Variants in MARCHF1 observed in about 807,000 individuals in gnomAD.
The protein encoded by MARCHF1 is membrane associated ring-CH-type finger 1.
A neutral mutation model predicts 54.2 loss-of-function variants in MARCHF1; 40 were observed. That is an observed-to-expected ratio of 0.74 (90% CI 0.57 to 0.96). The LOEUF (loss-of-function observed/expected upper bound fraction) is 0.96, where lower values mean the gene tolerates loss of function less well. MARCHF1 is among the 40% of genes least tolerant of loss of function. The pLI is 0.00. For missense variants in MARCHF1, 586 were observed against 656.5 expected, an observed-to-expected ratio of 0.89 and a Z score of 1.17; for synonymous variants, 236 against 236.3, an observed-to-expected ratio of 1.00 and a Z score of 0.01.
chr4:164,238,061 A>G (rs1732617032), intron 1 of MARCHF1, among the ~76,000 whole-genome samples: 1 of 152,240 alleles, frequency 6.6e-6, no homozygotes, highest in East Asian at 1.9e-4. Flanking sequence ...GAAAACCACT[A>G]AAAGGAAATA....
chr4:163,961,256 C>T (rs1752341430), intron 3 of MARCHF1, among the ~76,000 whole-genome samples: 1 of 151,930 alleles, frequency 6.6e-6, no homozygotes, highest in African/African-American at 2.4e-5. Context: ...TGTCAATAAC[C>T]ATTACTCAAT....
chr4:163,733,219 AT>A, intron 4 of MARCHF1, among the ~76,000 whole-genome samples: 1 of 29,820 alleles, frequency 3.4e-5, no homozygotes, highest in African/African-American at 7.0e-5. Flanking sequence ...ATATATATAT[AT>A]ACACGTGTAT....
chr4:163,729,102 G>T (rs1745753154), intron 4 of MARCHF1, among the ~76,000 whole-genome samples: 1 of 152,034 alleles, frequency 6.6e-6, no homozygotes. Context: ...AATCAGCCTT[G>T]CAGACCTGAG....
chr4:163,712,262 C>T (rs944943075), intron 4 of MARCHF1, among the ~76,000 whole-genome samples: 1 of 152,094 alleles, frequency 6.6e-6, no homozygotes, highest in Non-Finnish European at 1.5e-5. Flanking sequence ...TTACTAAATT[C>T]TGGAATTGGA....
chr4:164,182,227 C>T (rs905337319), intron 1 of MARCHF1, among the ~76,000 whole-genome samples: 10 of 151,860 alleles, frequency 6.6e-5, no homozygotes, highest in Admixed American at 5.2e-4. Context: ...TAATCGGAGC[C>T]TGACATAGGT....
At chr4:163,547,000 T>G (rs937162487) in intron 8 of MARCHF1, among the ~76,000 whole-genome samples, 4 of 152,244 alleles carry the variant, frequency 2.6e-5, no homozygotes, top group Admixed American at 2.0e-4. Context: ...GCCAAGCTTT[T>G]AATAATCTAG....
chr4:164,380,385 C>T (rs1469091785), intron 1 of MARCHF1, among the ~76,000 whole-genome samples: 3 of 152,184 alleles, frequency 2.0e-5, no homozygotes, highest in Non-Finnish European at 4.4e-5. Context: ...CACTGTCCCC[C>T]ATGAGAAAGG....
intron 3 of MARCHF1, among the ~76,000 whole-genome samples, chr4:163,885,441 G>A (rs951572179): frequency 1.3e-5 from 2 of 151,948 alleles, no homozygotes; most frequent in Non-Finnish European, 2.9e-5. Context: ...TAGGAAAAAG[G>A]AATAACAAGA....
chr4:163,926,412 A>G (rs1036912075), intron 3 of MARCHF1, among the ~76,000 whole-genome samples: 8 of 151,566 alleles, frequency 5.3e-5, no homozygotes, highest in African/African-American at 1.4e-4. Context: ...ATTTTTTTTC[A>G]GTAACAGAAC....
chr4:164,167,756 A>G (rs1730418977), intron 1 of MARCHF1, among the ~76,000 whole-genome samples: 1 of 151,924 alleles, frequency 6.6e-6, no homozygotes, highest in Non-Finnish European at 1.5e-5. Context: ...CTTAGCTTAT[A>G]CCACACAAAA....
At chr4:163,799,494 T>C (rs1215351293) in intron 4 of MARCHF1, among the ~76,000 whole-genome samples, 2 of 152,120 alleles carry the variant, frequency 1.3e-5, no homozygotes, top group Non-Finnish European at 2.9e-5. Flanking sequence ...ATCAGGCAAG[T>C]GTGAACTAGC....
At chr4:163,846,008 C>T (rs576410433) in intron 4 of MARCHF1, among the ~76,000 whole-genome samples, 1 of 152,228 alleles carries the variant, frequency 6.6e-6, no homozygotes, top group Non-Finnish European at 1.5e-5. Context: ...TCTTTAAAAG[C>T]ATCACGTCTT....
chr4:164,025,055 C>A (rs1472612075), intron 2 of MARCHF1, among the ~76,000 whole-genome samples: 2 of 152,100 alleles, frequency 1.3e-5, no homozygotes, highest in East Asian at 3.9e-4. Context: ...TATATATGCA[C>A]CCATTGGAGC....
At chr4:164,013,633 C>A (rs1279926438) in intron 2 of MARCHF1, among the ~76,000 whole-genome samples, 5 of 152,036 alleles carry the variant, frequency 3.3e-5, no homozygotes, top group African/African-American at 1.2e-4. Flanking sequence ...ATCCTAAAAG[C>A]AGCAAGAGAA....
At chr4:164,092,927 A>G (rs1478490382) in intron 2 of MARCHF1, among the ~76,000 whole-genome samples, 1 of 152,156 alleles carries the variant, frequency 6.6e-6, no homozygotes, top group African/African-American at 2.4e-5. Flanking sequence ...AGGAAAACTT[A>G]GATCAATCCT....
intron 7 of MARCHF1, among the ~76,000 whole-genome samples, chr4:163,599,123 A>T (rs1740865067): frequency 6.6e-6 from 1 of 151,854 alleles, no homozygotes; most frequent in South Asian, 2.1e-4. Context: ...CCCCGTCTCT[A>T]CTACAAATAC....
intron 3 of MARCHF1, among the ~76,000 whole-genome samples, chr4:163,894,641 TGCATGTG>T (rs1200760111): frequency 3.8e-5 from 3 of 79,842 alleles, no homozygotes; most frequent in African/African-American, 1.3e-4. Context: ...TATATATATA[TGCATGTG>T]ATGCATATAT....
chr4:163,598,435 C>T (rs559965219), intron 7 of MARCHF1, among the ~76,000 whole-genome samples: 2 of 152,322 alleles, frequency 1.3e-5, no homozygotes, highest in East Asian at 3.9e-4. Context: ...TTAGAAATTC[C>T]ATCATTGTGT....
intron 8 of MARCHF1, among the ~76,000 whole-genome samples, chr4:163,573,295 C>CTTA (rs34017689): frequency 0.12 from 17,691 of 144,220 alleles, 1,110 homozygotes; most frequent in South Asian, 0.19. Context: ...TGCTTTTTCT[C>CTTA]TTATTATTAT....
Sources: gnomAD v4.1 joint callset for allele counts (sites outside exome capture counted in the v4.1 genomes callset) on GRCh38, gnomAD v4.1.1 for gene constraint, MANE v1.5 for transcripts, NCBI Gene and HGNC (gene_info 2026-07-23, HGNC 2026-07-21) for gene names.